Variants in ZSCAN32 observed in about 807,000 individuals in gnomAD.
ZSCAN32 encodes the protein zinc finger and SCAN domain-containing protein 32.
A neutral mutation model predicts 47.4 loss-of-function variants in ZSCAN32; 52 were observed. The ratio of observed to expected loss-of-function variants is 1.10; its 90% CI spans 0.88 to 1.38. ZSCAN32 has a LOEUF of 1.38. Ranked by LOEUF, ZSCAN32 falls within the 40% of genes most tolerant of loss-of-function variation. ZSCAN32 has a pLI of 0.00. For missense variants in ZSCAN32, 959 were observed against 846.0 expected (o/e 1.13, Z -1.66); for synonymous variants, 346 against 305.7 (o/e 1.13, Z -1.38).
intron 3 of ZSCAN32, among the ~76,000 whole-genome samples, chr16:3,391,091 A>T (rs1421330632): frequency 6.6e-6 from 1 of 152,212 alleles, no homozygotes; most frequent in African/African-American, 2.4e-5. Flanking sequence ...TACAAATAAA[A>T]TGAATCATGT....
Position 3,393,690 on chromosome 16 carries a change from C to T in ZSCAN32, c.491G>A (p.Gly164Glu). The T allele has an allele frequency of 6.5e-7, 1 of 1,549,924 alleles. No homozygotes were observed. Among genetic ancestry groups the T allele is most frequent in the Non-Finnish European group, 8.7e-7 (1 of 1,146,810 alleles). The change falls in exon 3 of 7, where the codon GGA (glycine) becomes GAA (glutamate). Residue 164 changes from glycine (G) to glutamate (E), a missense_variant. Transcript: ENST00000396852. ...EVQPEEPTFKGSQSSHQRPGE... is the reference protein window; with the variant it reads ...EVQPEEPTFKESQSSHQRPGE... ...TGGTCTTTGGTGTGAGCTCTGTGAT[C>T]CCTTAAAAGTCGGTTCCTCTGGCTG...
intron 2 of ZSCAN32, among the ~76,000 whole-genome samples, chr16:3,396,493 CCACT>C (rs1285508979): frequency 6.6e-6 from 1 of 152,162 alleles, no homozygotes; most frequent in East Asian, 1.9e-4. Flanking sequence ...GATCACAGAC[CCACT>C]CAGGCTGACC....
intron 3 of ZSCAN32, among the ~76,000 whole-genome samples, chr16:3,391,047 A>T (rs2032632133): frequency 6.6e-6 from 1 of 152,228 alleles, no homozygotes; most frequent in Non-Finnish European, 1.5e-5. Flanking sequence ...TGACTGTGAC[A>T]TCGCTTAAAA....
intron 5 of ZSCAN32, among the ~76,000 whole-genome samples, chr16:3,386,417 T>C (rs1163554610): frequency 6.6e-6 from 1 of 152,172 alleles, no homozygotes; most frequent in Non-Finnish European, 1.5e-5. Flanking sequence ...GAAATACCAT[T>C]TGACCCAGCA....
intron 3 of ZSCAN32, among the ~76,000 whole-genome samples, chr16:3,390,856 T>C (rs376659166): frequency 8.6e-5 from 13 of 151,636 alleles, no homozygotes; most frequent in South Asian, 4.2e-4. Context: ...TAAAGAAAAA[T>C]ATACATGTCA....
intron 2 of ZSCAN32, among the ~76,000 whole-genome samples, chr16:3,395,346 T>C (rs1352279917): frequency 1.3e-5 from 2 of 152,200 alleles, no homozygotes; most frequent in Non-Finnish European, 2.9e-5. Context: ...TCTTCAGTTG[T>C]AGTTCCCATA....
chr16:3,394,689 T>C (rs997550060), intron 2 of ZSCAN32, among the ~76,000 whole-genome samples: 1 of 152,190 alleles, frequency 6.6e-6, no homozygotes, highest in South Asian at 2.1e-4. Context: ...GACTCCTCTT[T>C]GCAGCCTAAA....
chr16:3,400,163 C>G (rs1460222893), intron 1 of ZSCAN32, among the ~76,000 whole-genome samples: 1 of 152,150 alleles, frequency 6.6e-6, no homozygotes, highest in African/African-American at 2.4e-5. Context: ...TCCCTTTTCT[C>G]AAGGAACTTG....
chr16:3,396,804 A>C (rs1046797319), intron 2 of ZSCAN32, among the ~76,000 whole-genome samples: 2 of 152,192 alleles, frequency 1.3e-5, no homozygotes, highest in African/African-American at 4.8e-5. Context: ...AATTTTGTTG[A>C]GTGTACAACA....
chr16:3,382,877 G>T lies in ZSCAN32; in HGVS notation c.2069C>A (p.Ser690Ter). ...QTVHMKAVLS[S>*]QEGRDAL The stretch of plus-strand genomic sequence containing the variant: ...TCATAACGCATCTCTTCCTTCCTGT[G>T]ATGAGAGTACTGCTTTCATGTGTAC... Residue 690 changes from serine to a stop codon, truncating the protein, a stop_gained, in exon 7 of 7, where the codon TCA (serine) becomes TAA (stop). Transcript: ENST00000396852. LOFTEE classifies it high-confidence loss of function. 6.3e-7 allele frequency: 1 copy of T among 1,575,950 alleles called. No individual in the cohort carries two copies. Among genetic ancestry groups the T allele is most frequent in the Non-Finnish European group, 8.6e-7 (1 of 1,158,688 alleles).
At chr16:3,391,049 C>T (rs764986663) in intron 3 of ZSCAN32, among the ~76,000 whole-genome samples, 2 of 152,028 alleles carry the variant, frequency 1.3e-5, no homozygotes, top group African/African-American at 4.8e-5. Flanking sequence ...ACTGTGACAT[C>T]GCTTAAAAAT....
intron 3 of ZSCAN32, among the ~76,000 whole-genome samples, chr16:3,392,622 T>C (rs1211089677): frequency 1.3e-5 from 2 of 152,112 alleles, no homozygotes; most frequent in Admixed American, 1.3e-4. Flanking sequence ...GGTCAGGAGA[T>C]CGAGACCATC....
chr16:3,397,695 CAT>C lies in ZSCAN32; in HGVS notation c.-140_-139del, dbSNP rs924409326. ...ATCCGTGGGACATGAGAGTGTCAGA[CAT>C]GTGTAGAGACTCACAGCGGAAAAAA... On this transcript the variant is annotated 5_prime_UTR_variant, in exon 2 of 7. The change abolishes an upstream ATG in the 5' untranslated region. Transcript: ENST00000396852. 1.3e-5 allele frequency: 15 copies of C among 1,186,336 alleles called. No homozygotes were observed. In the Middle Eastern group the frequency reaches 6.2e-4, roughly 49 times the overall value. 73.5% of individuals were successfully genotyped at this position (1,186,336 alleles called of 1,614,324 possible). A position where few individuals can be genotyped will look rare whatever the true frequency, so the allele number is the denominator to read the frequency against.
rs1201633341 is a variant in ZSCAN32, at chr16:3,390,060, C to G, written c.701G>C (p.Arg234Thr). The part of the protein sequence containing the change: ...QEWMCPGPAQ[R>T]ALYRGATQRK... ...CTGGGTGGCACCCCTGTAGAGGGCCCTTTGTGCAGGGCCTGGGCACATCCA... is the reference window on the plus strand; with the variant it reads ...CTGGGTGGCACCCCTGTAGAGGGCCGTTTGTGCAGGGCCTGGGCACATCCA... Residue 234 changes from arginine (R) to threonine (T), a missense_variant, in exon 5 of 7, where the codon AGG becomes ACG. Coordinates refer to ENST00000396852, the MANE Select transcript of ZSCAN32 (RefSeq NM_001284527.2). 1.2e-6 allele frequency: 2 copies of G among 1,613,906 alleles called. No individual in the cohort carries two copies. Among genetic ancestry groups the G allele is most frequent in the African/African-American group, 2.7e-5 (2 of 74,926 alleles).
In ZSCAN32 at chr16:3,383,002, G is replaced by T. The variant is rs149063397; in HGVS notation, c.1944C>A (p.Phe648Leu). The T allele has an allele frequency of 5.6e-6, 9 of 1,614,076 alleles. No individual in the cohort carries two copies. The highest frequency in any genetic ancestry group is 2.7e-5 in the African/African-American group (2 of 74,934). ...CGKIFNNSSH[F>L]SAHRKTHTGE... is the part of the protein sequence containing the mutation. ...CAGTGTGGGTTTTTCGGTGGGCACT[G>T]AAGTGGGAGCTATTGTTGAAGATTT... The change falls in exon 7 of 7, where the codon TTC (phenylalanine) becomes TTA (leucine). Residue 648 changes from phenylalanine (F) to leucine (L), a missense_variant. Transcript: ENST00000396852.
chr16:3,398,601 T>C (rs2033595864), intron 1 of ZSCAN32, among the ~76,000 whole-genome samples: 1 of 152,180 alleles, frequency 6.6e-6, no homozygotes, highest in South Asian at 2.1e-4. Context: ...AAAAATATAG[T>C]CTTCTCCCAG....
rs767501519 is a variant in ZSCAN32, at chr16:3,382,862, TC to T, written c.2083del (p.Asp695MetfsTer12). On this transcript the variant is annotated frameshift_variant, in exon 7 of 7. Coordinates refer to ENST00000396852, the MANE Select transcript of ZSCAN32 (RefSeq NM_001284527.2). LOFTEE classifies it high-confidence loss of function. ...KAVLSSQEGR[D>X]AL Reference sequence around the variant, plus strand: ...AGTTTACCGACACACTCATAACGCATCTCTTCCTTCCTGTGATGAGAGTACT... The same window carrying T: ...AGTTTACCGACACACTCATAACGCATTCTTCCTTCCTGTGATGAGAGTACT... 1 of 1,562,550 alleles carries T rather than the reference TC, an allele frequency of 6.4e-7. No individual in the cohort carries two copies. Among genetic ancestry groups the T allele is most frequent in the Non-Finnish European group, 8.7e-7 (1 of 1,152,616 alleles).
Position 3,383,729 on chromosome 16 carries a change from C to A in ZSCAN32, c.1235-18G>T. The stretch of plus-strand genomic sequence containing the variant: ...CTCAAAACCTGAAAAAAAAAAACCC[C>A]ACAGAAATACAATGGACTATAGAGA... On this transcript the variant is annotated intron_variant, in intron 6 of 6. Transcript: ENST00000396852. 6.4e-7 allele frequency: 1 copy of A among 1,559,720 alleles called. No individual in the cohort carries two copies. The highest frequency in any genetic ancestry group is 1.2e-5 in the South Asian group (1 of 83,356).
In ZSCAN32 at chr16:3,390,081, A is replaced by G; in HGVS notation, c.680T>C (p.Met227Thr). Residue 227 changes from methionine (M) to threonine (T), a missense_variant, in exon 5 of 7, where the codon ATG becomes ACG. Met to Thr is a moderately conservative substitution (Grantham distance 81). Coordinates refer to ENST00000396852, the MANE Select transcript of ZSCAN32 (RefSeq NM_001284527.2). ...RAVSLCQQEW[M>T]CPGPAQRALY... ...GGCCCTTTGTGCAGGGCCTGGGCAC[A>G]TCCATTCTTGCTGACAGAGGGATAC... 1.2e-6 allele frequency: 2 copies of G among 1,614,016 alleles called. No homozygotes were observed. Among genetic ancestry groups the G allele is most frequent in the Non-Finnish European group, 1.7e-6 (2 of 1,179,982 alleles).
Sources: allele counts gnomAD v4.1 joint callset (sites outside exome capture counted in the v4.1 genomes callset), GRCh38; gene constraint gnomAD v4.1.1; transcripts MANE v1.5; gene names NCBI Gene and HGNC (gene_info 2026-07-23, HGNC 2026-07-21).